TMCC1: variants seen among roughly 807,000 people sequenced by gnomAD.
TMCC1 encodes transmembrane and coiled-coil domain family 1, also known as transmembrane and coiled-coil domains protein 1.
Under a neutral mutation model 52.4 loss-of-function variants are expected in TMCC1, and 15 were observed. The ratio of observed to expected loss-of-function variants is 0.29; its 90% CI spans 0.19 to 0.44. TMCC1 has a LOEUF of 0.44. TMCC1 is among the 20% of genes least tolerant of loss of function. The pLI is 1.00. For missense variants in TMCC1, 503 were observed against 806.0 expected, an observed-to-expected ratio of 0.62 and a Z score of 4.55; for synonymous variants, 279 against 301.9, an observed-to-expected ratio of 0.92 and a Z score of 0.79.
intron 4 of TMCC1, among the ~76,000 whole-genome samples, chr3:129,794,590 G>A (rs2056696350): frequency 6.6e-6 from 1 of 152,166 alleles, no homozygotes; most frequent in African/African-American, 2.4e-5. Context: ...AAGCCGCTGT[G>A]CCCAGTGCCA....
intron 2 of TMCC1, among the ~76,000 whole-genome samples, chr3:129,872,433 G>T (rs187083561): frequency 6.6e-6 from 1 of 152,256 alleles, no homozygotes; most frequent in East Asian, 1.9e-4. Context: ...AGAATCTCTG[G>T]AAGTATATCC....
chr3:129,735,519 C>T (rs1310997687), intron 4 of TMCC1, among the ~76,000 whole-genome samples: 3 of 151,748 alleles, frequency 2.0e-5, no homozygotes, highest in East Asian at 1.9e-4. Context: ...TGTTGTGGCA[C>T]GCACCTGTAG....
chr3:129,674,919 C>T (rs1013763513), intron 4 of TMCC1, among the ~76,000 whole-genome samples: 1 of 152,196 alleles, frequency 6.6e-6, no homozygotes, highest in African/African-American at 2.4e-5. Flanking sequence ...CAGCTCACTG[C>T]AACCTCTGCC....
At chr3:129,766,763 C>T (rs919680483) in intron 4 of TMCC1, among the ~76,000 whole-genome samples, 2 of 151,850 alleles carry the variant, frequency 1.3e-5, no homozygotes, top group African/African-American at 2.4e-5. Context: ...GGACTACAGG[C>T]GTGCAACACC....
intron 2 of TMCC1, among the ~76,000 whole-genome samples, chr3:129,871,737 T>C (rs945499393): frequency 6.6e-6 from 1 of 152,130 alleles, no homozygotes; most frequent in South Asian, 2.1e-4. Context: ...TAGGATGTTG[T>C]TAAACAGGAA....
At chr3:129,835,310 C>T (rs1560514999) in intron 2 of TMCC1, among the ~76,000 whole-genome samples, 1 of 150,568 alleles carries the variant, frequency 6.6e-6, no homozygotes, top group African/African-American at 2.5e-5. Context: ...AATTCAGTCA[C>T]GGTTTCTCTC....
intron 2 of TMCC1, among the ~76,000 whole-genome samples, chr3:129,879,814 C>G (rs972643715): frequency 1.3e-5 from 2 of 152,146 alleles, no homozygotes; most frequent in African/African-American, 4.8e-5. Context: ...CTAAACCATC[C>G]AGTGTCTATG....
intron 4 of TMCC1, among the ~76,000 whole-genome samples, chr3:129,682,596 C>T (rs2089085770): frequency 6.6e-6 from 1 of 152,168 alleles, no homozygotes; most frequent in African/African-American, 2.4e-5. Flanking sequence ...TTCAGACTCT[C>T]TGCTACATAG....
At chr3:129,719,569 T>C (rs796958830) in intron 4 of TMCC1, among the ~76,000 whole-genome samples, 4 of 152,270 alleles carry the variant, frequency 2.6e-5, no homozygotes, top group African/African-American at 9.6e-5. Flanking sequence ...TGGGACCCAG[T>C]CCTCAACTAG....
chr3:129,826,059 AG>A (rs1445787812), intron 4 of TMCC1, among the ~76,000 whole-genome samples: 10 of 152,182 alleles, frequency 6.6e-5, no homozygotes, highest in Admixed American at 5.9e-4. Flanking sequence ...TTAACATAAA[AG>A]TCTATAATCC....
intron 4 of TMCC1, among the ~76,000 whole-genome samples, chr3:129,751,521 C>T (rs1037432703): frequency 6.6e-6 from 1 of 151,334 alleles, no homozygotes; most frequent in Non-Finnish European, 1.5e-5. Flanking sequence ...CAGAGCAAGA[C>T]CCTGTCTCTT....
chr3:129,754,687 G>T (rs2052833939), intron 4 of TMCC1, among the ~76,000 whole-genome samples: 1 of 152,134 alleles, frequency 6.6e-6, no homozygotes, highest in Non-Finnish European at 1.5e-5. Flanking sequence ...AGGAATCTCA[G>T]CATATTTACA....
chr3:129,670,506 G>C lies in TMCC1; in HGVS notation c.1335C>G (p.Ser445=). ...STTGGIAVGA[S]SSKTNTLDMQ... ...TGTCCAGGGTGTTTGTTTTGGAGCT[G>C]GATGCTCCTACAGCGATGCCCCCTG... is the stretch of plus-strand genomic sequence containing the variant. The change falls in exon 5 of 7, where the codon TCC becomes TCG. Residue 445 remains serine (S), a synonymous_variant. Coordinates refer to ENST00000393238, the MANE Select transcript of TMCC1 (RefSeq NM_001017395.5). 6.2e-7 allele frequency: 1 copy of C among 1,614,168 alleles called. No homozygotes were observed. The highest frequency in any genetic ancestry group is 2.2e-5 in the East Asian group (1 of 44,876).
intron 4 of TMCC1, among the ~76,000 whole-genome samples, chr3:129,682,260 T>A (rs1295880769): frequency 6.6e-6 from 1 of 152,070 alleles, no homozygotes; most frequent in Non-Finnish European, 1.5e-5. Context: ...GCCTCCAGAG[T>A]AGGTGGGACT....
At chr3:129,852,349 C>T (rs1247032273) in intron 2 of TMCC1, among the ~76,000 whole-genome samples, 1 of 149,380 alleles carries the variant, frequency 6.7e-6, no homozygotes, top group Non-Finnish European at 1.5e-5. Context: ...CCCAGCTACT[C>T]AGGAGTCCAA....
At chr3:129,677,691 A>C (rs2088575420) in intron 4 of TMCC1, among the ~76,000 whole-genome samples, 1 of 152,192 alleles carries the variant, frequency 6.6e-6, no homozygotes, top group Non-Finnish European at 1.5e-5. Context: ...GCTCTCCCTG[A>C]GCTGGTTGTC....
chr3:129,760,701 T>A (rs1019411530), intron 4 of TMCC1, among the ~76,000 whole-genome samples: 3 of 151,686 alleles, frequency 2.0e-5, no homozygotes, highest in African/African-American at 7.3e-5. Context: ...ATGGTCTCGA[T>A]CTCCTGACCT....
intron 5 of TMCC1, among the ~76,000 whole-genome samples, chr3:129,662,893 C>T (rs2087151131): frequency 6.6e-6 from 1 of 152,136 alleles, no homozygotes; most frequent in Admixed American, 6.6e-5. Flanking sequence ...GCTTAACTAT[C>T]AGCAAACAGA....
At chr3:129,730,393 A>T (rs894110445) in intron 4 of TMCC1, among the ~76,000 whole-genome samples, 1 of 151,860 alleles carries the variant, frequency 6.6e-6, no homozygotes, top group Non-Finnish European at 1.5e-5. Context: ...TTTTTCCAAC[A>T]CCTCTTTTTG....
Sources: allele counts gnomAD v4.1 joint callset (sites outside exome capture counted in the v4.1 genomes callset), GRCh38; gene constraint gnomAD v4.1.1; transcripts MANE v1.5; gene names NCBI Gene and HGNC (gene_info 2026-07-23, HGNC 2026-07-21).